The following MMP16 variants were observed in gnomAD, a reference collection of about 807,000 sequenced individuals.
MMP16 encodes the protein matrix metallopeptidase 16.
In MMP16, 12 loss-of-function variants were observed where a neutral mutation model predicts 67.8. That is an observed-to-expected ratio of 0.18 (90% confidence interval 0.11 to 0.29). The LOEUF is 0.29. MMP16 is among the 10% of genes least tolerant of loss of function. The probability of loss-of-function intolerance (pLI) is 1.00; values close to 1 mark genes in which losing one functional copy is unlikely to be tolerated. For synonymous variants in MMP16, 249 were observed against 255.9 expected (o/e 0.97, Z 0.26); for missense variants, 475 against 765.7 (o/e 0.62, Z 4.48).
intron 2 of MMP16, among the ~76,000 whole-genome samples, chr8:88,196,898 C>T (rs1329712980): frequency 7.0e-6 from 1 of 142,856 alleles, no homozygotes; most frequent in Non-Finnish European, 1.6e-5. Context: ...TTCAACTGTA[C>T]ACCTACCTCA....
intron 4 of MMP16, among the ~76,000 whole-genome samples, chr8:88,143,217 G>A (rs1364633045): frequency 6.6e-6 from 1 of 152,156 alleles, no homozygotes; most frequent in Middle Eastern, 3.4e-3. Context: ...GAAATAAGAG[G>A]TTGAGGCTAT....
At chr8:88,201,423 G>C (rs1368420167) in intron 1 of MMP16, among the ~76,000 whole-genome samples, 5 of 152,010 alleles carry the variant, frequency 3.3e-5, no homozygotes, top group Admixed American at 2.6e-4. Context: ...GTGATTATAT[G>C]ATCCAAAGTA....
At chr8:88,285,701 CT>C (rs61570705) in intron 1 of MMP16, among the ~76,000 whole-genome samples, 3,662 of 152,218 alleles carry the variant, frequency 0.024, 150 homozygotes, top group African/African-American at 0.083. Context: ...CTTCCAATGA[CT>C]TTTTTTCCTT....
At chr8:88,143,436 AATC>A (rs1454529302) in intron 4 of MMP16, among the ~76,000 whole-genome samples, 6 of 152,090 alleles carry the variant, frequency 3.9e-5, no homozygotes, top group Non-Finnish European at 5.9e-5. Context: ...ACTTGAGTAA[AATC>A]ATTGTTTTAG....
chr8:88,192,476 C>CCCT (rs1809186519), intron 2 of MMP16, among the ~76,000 whole-genome samples: 2 of 152,148 alleles, frequency 1.3e-5, no homozygotes, highest in African/African-American at 2.4e-5. Flanking sequence ...AATCTAAGGT[C>CCCT]CCTGCTCACT....
intron 4 of MMP16, among the ~76,000 whole-genome samples, chr8:88,156,533 A>G (rs1808511288): frequency 6.6e-6 from 1 of 152,100 alleles, no homozygotes; most frequent in African/African-American, 2.4e-5. Flanking sequence ...GTTAATAGCT[A>G]GTGTTGTTTA....
intron 1 of MMP16, among the ~76,000 whole-genome samples, chr8:88,203,525 T>G (rs947215604): frequency 6.6e-6 from 1 of 152,144 alleles, no homozygotes; most frequent in Non-Finnish European, 1.5e-5. Context: ...TAACCAAACT[T>G]CATACATTCA....
intron 4 of MMP16, among the ~76,000 whole-genome samples, chr8:88,137,311 C>T (rs554131252): frequency 6.6e-6 from 1 of 152,006 alleles, no homozygotes; most frequent in East Asian, 1.9e-4. Context: ...AACTCCTCCC[C>T]CCCAAAACCC....
intron 3 of MMP16, among the ~76,000 whole-genome samples, chr8:88,175,934 T>A (rs1808882807): frequency 6.6e-6 from 1 of 152,224 alleles, no homozygotes; most frequent in Non-Finnish European, 1.5e-5. Flanking sequence ...GTGCCTTTGT[T>A]CCTCCTTTGC....
intron 1 of MMP16, among the ~76,000 whole-genome samples, chr8:88,219,436 G>A (rs1406509638): frequency 6.6e-6 from 1 of 151,998 alleles, no homozygotes; most frequent in East Asian, 1.9e-4. Context: ...GTTTCAGAGA[G>A]CCAAGAAATG....
intron 1 of MMP16, among the ~76,000 whole-genome samples, chr8:88,289,956 C>A (rs117360326): frequency 0.011 from 1,623 of 152,194 alleles, 19 homozygotes; most frequent in Middle Eastern, 0.044. Context: ...TGCCTCCATC[C>A]TCTGAAAGCT....
At chr8:88,140,600 C>T (rs1234523990) in intron 4 of MMP16, among the ~76,000 whole-genome samples, 1 of 152,142 alleles carries the variant, frequency 6.6e-6, no homozygotes, top group East Asian at 1.9e-4. Flanking sequence ...TAATCTGGTT[C>T]CTGCTGTTGC....
intron 1 of MMP16, among the ~76,000 whole-genome samples, chr8:88,300,651 G>A (rs1021549657): frequency 3.3e-5 from 5 of 152,078 alleles, no homozygotes; most frequent in Admixed American, 1.3e-4. Flanking sequence ...AGGTATGTAC[G>A]TACAGAAAAA....
At chr8:88,113,875 T>A (rs1316920398) in intron 6 of MMP16, among the ~76,000 whole-genome samples, 1 of 152,096 alleles carries the variant, frequency 6.6e-6, no homozygotes, top group South Asian at 2.1e-4. Context: ...GCCTACAGTA[T>A]GAGTGCAATA....
At chr8:88,253,556 C>A (rs1366281955) in intron 1 of MMP16, among the ~76,000 whole-genome samples, 1 of 151,988 alleles carries the variant, frequency 6.6e-6, no homozygotes, top group Admixed American at 6.6e-5. Context: ...CAGACAAATC[C>A]CTATTGAGGG....
At chr8:88,281,984 G>C (rs1010273351) in intron 1 of MMP16, among the ~76,000 whole-genome samples, 2 of 150,688 alleles carry the variant, frequency 1.3e-5, no homozygotes, top group African/African-American at 4.9e-5. Context: ...TCCTGTTCTT[G>C]GTAACTAAAA....
intron 3 of MMP16, among the ~76,000 whole-genome samples, chr8:88,182,669 C>A (rs1038317814): frequency 6.6e-6 from 1 of 152,006 alleles, no homozygotes; most frequent in African/African-American, 2.4e-5. Flanking sequence ...CAAAGCTAAC[C>A]GTAGTCTTAT....
Position 88,242,015 on chromosome 8 carries a change from T to C in MMP16, c.133-44709A>G, listed in dbSNP as rs191063536. ...TCTAAATTTTCTTGGAACAACTAGA[T>C]GTATATCAATTTTTCAGTTTAAATG... On this transcript the variant is annotated intron_variant, in intron 1 of 9. Coordinates refer to ENST00000286614, the MANE Select transcript of MMP16 (RefSeq NM_005941.5). 3.3e-3 allele frequency among the ~76,000 whole-genome samples: 508 copies of C among 152,292 alleles called. 5 individuals carry two copies. In the Middle Eastern group the frequency reaches 0.045, roughly 13 times the overall value.
At chr8:88,191,131 T>G (rs558117859) in intron 2 of MMP16, among the ~76,000 whole-genome samples, 10 of 152,268 alleles carry the variant, frequency 6.6e-5, no homozygotes, top group African/African-American at 1.9e-4. Context: ...TTATTTAAGT[T>G]AACTCAACTT....
Sources: gnomAD v4.1 joint callset for allele counts (sites outside exome capture counted in the v4.1 genomes callset) on GRCh38, gnomAD v4.1.1 for gene constraint, MANE v1.5 for transcripts, NCBI Gene and HGNC (gene_info 2026-07-23, HGNC 2026-07-21) for gene names.